Variants in DGKG observed in about 807,000 individuals in gnomAD.
DGKG encodes the protein diacylglycerol kinase gamma.
A neutral mutation model predicts 105.3 loss-of-function variants in DGKG; 78 were observed. That is an observed-to-expected ratio of 0.74 (90% CI 0.62 to 0.89). The LOEUF is 0.89. Among genes scored for constraint, DGKG ranks in the 40% least tolerant of loss-of-function variants. The pLI, the probability that DGKG is intolerant of heterozygous loss-of-function variation, is 0.00. For synonymous variants in DGKG, 346 were observed against 367.1 expected, an observed-to-expected ratio of 0.94 and a Z score of 0.66; for missense variants, 958 against 1,020.1, an observed-to-expected ratio of 0.94 and a Z score of 0.83.
At chr3:186,301,621 C>T (rs893830079) in intron 3 of DGKG, among the ~76,000 whole-genome samples, 3 of 152,070 alleles carry the variant, frequency 2.0e-5, no homozygotes, top group Non-Finnish European at 4.4e-5. Flanking sequence ...AGCGAGACTC[C>T]GTCTCAAAGA....
intron 3 of DGKG, among the ~76,000 whole-genome samples, chr3:186,304,483 G>T (rs544934080): frequency 2.6e-5 from 4 of 152,318 alleles, no homozygotes; most frequent in African/African-American, 9.6e-5. Context: ...AGAAGGTGTT[G>T]ACTCAGTTTT....
intron 22 of DGKG, among the ~76,000 whole-genome samples, chr3:186,167,912 T>C (rs1348806565): frequency 6.6e-6 from 1 of 152,142 alleles, no homozygotes; most frequent in Non-Finnish European, 1.5e-5. Flanking sequence ...GAAACCAAGT[T>C]AGGTGTAGAA....
At chr3:186,313,598 T>G in intron 2 of DGKG, 2 of 859,796 alleles carry the variant, frequency 2.3e-6, no homozygotes, top group Non-Finnish European at 2.8e-6. Context: ...CAGCATCACC[T>G]GGGAGCTTGT....
At chr3:186,153,152 G>A (rs2108468582) in intron 24 of DGKG, among the ~76,000 whole-genome samples, 1 of 152,068 alleles carries the variant, frequency 6.6e-6, no homozygotes, top group South Asian at 2.1e-4. Context: ...TGGGGCTCCT[G>A]GGTAACATAA....
chr3:186,334,784 T>G (rs1437283990), intron 1 of DGKG, among the ~76,000 whole-genome samples: 1 of 152,120 alleles, frequency 6.6e-6, no homozygotes, highest in Non-Finnish European at 1.5e-5. Context: ...AGCTATTAAT[T>G]AATGAATCCA....
intron 11 of DGKG, among the ~76,000 whole-genome samples, chr3:186,271,827 C>T (rs1722331141): frequency 6.6e-6 from 1 of 152,174 alleles, no homozygotes; most frequent in Non-Finnish European, 1.5e-5. Flanking sequence ...AGAGTCTGGT[C>T]CTCCTCGATG....
intron 2 of DGKG, among the ~76,000 whole-genome samples, chr3:186,316,164 T>C (rs1417335037): frequency 1.3e-5 from 2 of 152,238 alleles, no homozygotes; most frequent in African/African-American, 2.4e-5. Flanking sequence ...GTCCAAACAC[T>C]GTGGAGCAGA....
chr3:186,298,149 G>A lies in DGKG; in HGVS notation c.225C>T (p.Leu75=), dbSNP rs1332174719. ...TGGGCTTCTGGCTGAAGGCCAGGAA[G>A]AGGTGAGTGCTCAGTGGCTGGGGAA... ...VDLPQPLSTH[L]FLAFSQKPRH... Residue 75 remains leucine, a synonymous_variant, in exon 4 of 25, where the codon CTC becomes CTT. Coordinates refer to ENST00000265022, the MANE Select transcript of DGKG (RefSeq NM_001346.3). The A allele has an allele frequency of 6.2e-7, 1 of 1,614,098 alleles. No homozygotes were observed. Among genetic ancestry groups the A allele is most frequent in the African/African-American group, 1.3e-5 (1 of 74,942 alleles).
chr3:186,353,602 CAT>C (rs1372854381), intron 1 of DGKG, among the ~76,000 whole-genome samples: 85 of 145,208 alleles, frequency 5.9e-4, no homozygotes, highest in East Asian at 1.8e-3. Flanking sequence ...CACACACACA[CAT>C]ACACATATAT....
chr3:186,266,918 C>G (rs2017437), intron 13 of DGKG, among the ~76,000 whole-genome samples: 82,800 of 151,978 alleles, frequency 0.54, 22,937 homozygotes, highest in East Asian at 0.7. Context: ...TTTTTAATGA[C>G]AAAGAAGTAG....
intron 20 of DGKG, among the ~76,000 whole-genome samples, chr3:186,235,621 A>G (rs1720378033): frequency 6.6e-6 from 1 of 152,238 alleles, no homozygotes; most frequent in Admixed American, 6.5e-5. Flanking sequence ...TATGTAAATC[A>G]TGATATATTT....
At position 186,154,656 on chromosome 3, in the gene DGKG, A is replaced by C. The variant is rs528543967; in HGVS notation, c.2278-4468T>G. On this transcript the variant is annotated intron_variant, in intron 24 of 24. Coordinates refer to ENST00000265022, the MANE Select transcript of DGKG (RefSeq NM_001346.3). ...CGAGACTCTGTCTCAAAAAAAAAAA[A>C]AAAAAAAGAAAAGAAAAAGAAAAAA... Among the ~76,000 whole-genome samples the C allele has an allele frequency of 3.3e-5, 5 of 151,632 alleles. No homozygotes were observed. In the East Asian group the frequency reaches 7.7e-4, roughly 23 times the overall value.
At chr3:186,253,505 G>A (rs1337898991) in intron 17 of DGKG, among the ~76,000 whole-genome samples, 1 of 152,184 alleles carries the variant, frequency 6.6e-6, no homozygotes, top group East Asian at 1.9e-4. Flanking sequence ...TAAGTTGCAT[G>A]TTTTTAATCC....
At chr3:186,263,865 T>C (rs1443484079) in intron 14 of DGKG, among the ~76,000 whole-genome samples, 2 of 152,184 alleles carry the variant, frequency 1.3e-5, no homozygotes, top group African/African-American at 4.8e-5. Context: ...CAATATCTAA[T>C]GCCTGCTTTT....
chr3:186,196,418 C>A (rs532444152), intron 21 of DGKG, among the ~76,000 whole-genome samples: 1 of 152,298 alleles, frequency 6.6e-6, no homozygotes, highest in Non-Finnish European at 1.5e-5. Context: ...GGATTACAGG[C>A]ATGAGCCACT....
intron 1 of DGKG, among the ~76,000 whole-genome samples, chr3:186,358,893 A>G (rs1343481912): frequency 6.6e-6 from 1 of 152,226 alleles, no homozygotes; most frequent in Non-Finnish European, 1.5e-5. Context: ...GGGACATTAT[A>G]CACATTTGTA....
At chr3:186,153,028 T>C (rs1163591071) in intron 24 of DGKG, among the ~76,000 whole-genome samples, 1 of 150,820 alleles carries the variant, frequency 6.6e-6, no homozygotes, top group East Asian at 2.0e-4. Flanking sequence ...TCCCTTTAGC[T>C]GAGCTATTTA....
At chr3:186,322,012 C>T (rs1053315908) in intron 1 of DGKG, among the ~76,000 whole-genome samples, 4 of 152,162 alleles carry the variant, frequency 2.6e-5, no homozygotes, top group Admixed American at 2.6e-4. Flanking sequence ...TCAGTCCTTC[C>T]TCGGCTTGTT....
chr3:186,336,828 A>G (rs1346662923), intron 1 of DGKG, among the ~76,000 whole-genome samples: 2 of 152,176 alleles, frequency 1.3e-5, no homozygotes, highest in Non-Finnish European at 1.5e-5. Context: ...CTATAACGTA[A>G]GAGATTTTAT....
Sources: allele counts gnomAD v4.1 joint callset (sites outside exome capture counted in the v4.1 genomes callset), GRCh38; gene constraint gnomAD v4.1.1; transcripts MANE v1.5; gene names NCBI Gene and HGNC (gene_info 2026-07-23, HGNC 2026-07-21).